PARD3: variants seen among roughly 807,000 people sequenced by gnomAD.
The protein encoded by PARD3 is par-3 family cell polarity regulator.
PARD3 carries 75 observed loss-of-function variants against 155.4 expected under a neutral mutation model. The observed-to-expected ratio is 0.48, with a 90% CI of 0.40 to 0.58. The LOEUF is 0.58. Ranked by LOEUF, PARD3 falls within the 20% of genes least tolerant of loss-of-function variation. PARD3 has a pLI of 0.00. For synonymous variants in PARD3, 576 were observed against 610.5 expected (o/e 0.94, Z 0.83); for missense variants, 1,642 against 1,721.7 (o/e 0.95, Z 0.82).
intron 22 of PARD3, among the ~76,000 whole-genome samples, chr10:34,185,606 C>A (rs531405250): frequency 6.6e-6 from 1 of 151,868 alleles, no homozygotes; most frequent in Non-Finnish European, 1.5e-5. Flanking sequence ...AACACAGACA[C>A]GGCATTTATC....
intron 19 of PARD3, among the ~76,000 whole-genome samples, chr10:34,317,672 C>A (rs980887773): frequency 2.6e-5 from 4 of 152,178 alleles, no homozygotes; most frequent in African/African-American, 9.7e-5. Flanking sequence ...GCGCAGACCT[C>A]TAAGGGTCCC....
At chr10:34,673,828 T>A (rs1475028470) in intron 2 of PARD3, among the ~76,000 whole-genome samples, 1 of 151,990 alleles carries the variant, frequency 6.6e-6, no homozygotes, top group Non-Finnish European at 1.5e-5. Flanking sequence ...CCATCTCTAC[T>A]AAAAATACAA....
At position 34,333,283 on chromosome 10, in the gene PARD3, CAATAAAAACTTA is replaced by C. The variant is rs138410380; in HGVS notation, c.2606-1951_2606-1940del. Among the ~76,000 whole-genome samples, 456 of 152,038 alleles carry C rather than the reference CAATAAAAACTTA, an allele frequency of 3.0e-3. 2 individuals are homozygous for C. Among genetic ancestry groups the C allele is most frequent in the African/African-American group, 0.01 (421 of 41,476 alleles). ...GAGATTTTACTTAGTGTACTGACAG[CAATAAAAACTTA>C]AATAATAAATTTCAGAAATGGCATG... On this transcript the variant is annotated intron_variant, in intron 18 of 24. Transcript: ENST00000374788.
chr10:34,400,352 G>C (rs1217779114), intron 6 of PARD3, among the ~76,000 whole-genome samples: 2 of 152,146 alleles, frequency 1.3e-5, no homozygotes, highest in African/African-American at 4.8e-5. Flanking sequence ...GTATGGATTT[G>C]TCAAGTCTAT....
At chr10:34,778,734 G>A (rs920532319) in intron 1 of PARD3, among the ~76,000 whole-genome samples, 2 of 152,122 alleles carry the variant, frequency 1.3e-5, no homozygotes, top group Admixed American at 6.5e-5. Flanking sequence ...TATGTATGCT[G>A]AAAAGACTTA....
intron 2 of PARD3, among the ~76,000 whole-genome samples, chr10:34,534,670 G>T (rs562514828): frequency 1.3e-5 from 2 of 152,300 alleles, no homozygotes; most frequent in African/African-American, 4.8e-5. Flanking sequence ...AGCGGCTGCA[G>T]AACAGTAGGG....
intron 22 of PARD3, among the ~76,000 whole-genome samples, chr10:34,213,582 A>C (rs1287923785): frequency 6.6e-6 from 1 of 152,208 alleles, no homozygotes; most frequent in Non-Finnish European, 1.5e-5. Flanking sequence ...TAATGATTAC[A>C]TAAATGTTTA....
At chr10:34,277,705 TG>T in intron 21 of PARD3, among the ~76,000 whole-genome samples, 1 of 152,132 alleles carries the variant, frequency 6.6e-6, no homozygotes, top group Non-Finnish European at 1.5e-5. Flanking sequence ...AATGCTAAAA[TG>T]AGATGAAACT....
rs148477471 is a variant in PARD3, at chr10:34,176,723, A to T, written c.3420-45140T>A. ...TTGGAAAGGCTGGTGCAATCAGATC[A>T]GAAAATGACTACACTTAAAAACAAA... On this transcript the variant is annotated intron_variant, in intron 22 of 24. Transcript: ENST00000374788. 6.2e-4 allele frequency among the ~76,000 whole-genome samples: 94 copies of T among 152,352 alleles called. 1 individual carries two copies. Among genetic ancestry groups the T allele is most frequent in the African/African-American group, 2.2e-3 (91 of 41,578 alleles).
chr10:34,131,023 G>A (rs1040134296), intron 23 of PARD3, among the ~76,000 whole-genome samples: 2 of 152,042 alleles, frequency 1.3e-5, no homozygotes, highest in African/African-American at 4.8e-5. Context: ...TCGCACCACC[G>A]CACTCCAGCC....
intron 2 of PARD3, among the ~76,000 whole-genome samples, chr10:34,638,441 T>C (rs565673903): frequency 6.6e-6 from 1 of 152,342 alleles, no homozygotes; most frequent in African/African-American, 2.4e-5. Flanking sequence ...TCAGTACATC[T>C]AGGTAGCAGG....
intron 2 of PARD3, among the ~76,000 whole-genome samples, chr10:34,672,801 T>C (rs2093632732): frequency 6.6e-6 from 1 of 152,248 alleles, no homozygotes; most frequent in African/African-American, 2.4e-5. Flanking sequence ...TGGTTCCATG[T>C]TGATCCTCCT....
chr10:34,714,505 C>T (rs1405186364), intron 1 of PARD3, among the ~76,000 whole-genome samples: 2 of 152,156 alleles, frequency 1.3e-5, no homozygotes, highest in Admixed American at 6.5e-5. Context: ...ACCCCAACAT[C>T]CTAAGTGTGG....
intron 2 of PARD3, among the ~76,000 whole-genome samples, chr10:34,613,759 C>T (rs938064204): frequency 1.3e-5 from 2 of 152,162 alleles, no homozygotes; most frequent in Admixed American, 6.5e-5. Flanking sequence ...CCACATTCTC[C>T]GGAGATCAGC....
chr10:34,212,361 C>G (rs1374850587), intron 22 of PARD3, among the ~76,000 whole-genome samples: 2 of 152,124 alleles, frequency 1.3e-5, no homozygotes, highest in East Asian at 3.9e-4. Flanking sequence ...TCTAAGCAGG[C>G]TTCAGTTTTT....
At chr10:34,738,451 G>T (rs1289651370) in intron 1 of PARD3, among the ~76,000 whole-genome samples, 1 of 152,196 alleles carries the variant, frequency 6.6e-6, no homozygotes, top group Non-Finnish European at 1.5e-5. Context: ...AAGTGCTGGG[G>T]TTATAGGTGT....
At chr10:34,599,635 T>C (rs116538321) in intron 2 of PARD3, among the ~76,000 whole-genome samples, 283 of 152,276 alleles carry the variant, frequency 1.9e-3, no homozygotes, top group Middle Eastern at 6.8e-3. Flanking sequence ...AGGAAAAAAA[T>C]AGCCAACAAC....
intron 3 of PARD3, among the ~76,000 whole-genome samples, chr10:34,488,282 T>C (rs2133285881): frequency 6.6e-6 from 1 of 152,182 alleles, no homozygotes; most frequent in African/African-American, 2.4e-5. Context: ...CTTTTCATCT[T>C]GCACATGAAT....
rs201937606 is a variant in PARD3, at chr10:34,325,623, T to TC, written c.2833+5493dup. ...CTCATTTATCCACTGGGTTGAATCATCCCCCAACCCCGAGCCCTTAGGAAC... is the reference window on the plus strand; with the variant it reads ...CTCATTTATCCACTGGGTTGAATCATCCCCCCAACCCCGAGCCCTTAGGAAC... On this transcript the variant is annotated intron_variant, in intron 19 of 24. Coordinates refer to ENST00000374788, the MANE Select transcript of PARD3 (RefSeq NM_001184785.2). 6.2e-3 allele frequency among the ~76,000 whole-genome samples: 948 copies of TC among 151,976 alleles called. 6 individuals are homozygous for TC. Among genetic ancestry groups the TC allele is most frequent in the African/African-American group, 0.021 (874 of 41,388 alleles).
Sources: allele counts gnomAD v4.1 joint callset (sites outside exome capture counted in the v4.1 genomes callset), GRCh38; gene constraint gnomAD v4.1.1; transcripts MANE v1.5; gene names NCBI Gene and HGNC (gene_info 2026-07-23, HGNC 2026-07-21).